The following CEP112 variants were observed in gnomAD, a reference collection of about 807,000 sequenced individuals.
CEP112 encodes centrosomal protein of 112 kDa.
In CEP112, 127 loss-of-function variants were observed where a neutral mutation model predicts 153.0. The ratio of observed to expected loss-of-function variants is 0.83; its 90% confidence interval spans 0.72 to 0.96. The LOEUF is 0.96. CEP112 is among the 40% of genes least tolerant of loss of function. CEP112 has a pLI of 0.00. For missense variants in CEP112, 1,089 were observed against 1,101.2 expected, an observed-to-expected ratio of 0.99 and a Z score of 0.16; for synonymous variants, 358 against 374.4, an observed-to-expected ratio of 0.96 and a Z score of 0.51.
chr17:65,659,843 C>T (rs8078351), intron 24 of CEP112, among the ~76,000 whole-genome samples: 81,880 of 152,044 alleles, frequency 0.54, 22,649 homozygotes, highest in East Asian at 0.76. Context: ...ATCAGTAACT[C>T]CTATGTGGGA....
chr17:65,721,256 C>T (rs1362749810), intron 23 of CEP112, among the ~76,000 whole-genome samples: 4 of 152,100 alleles, frequency 2.6e-5, no homozygotes, highest in Non-Finnish European at 4.4e-5. Context: ...GTGATCTGCC[C>T]GCCTTGGCCT....
intron 12 of CEP112, among the ~76,000 whole-genome samples, chr17:66,045,713 A>G (rs2066173875): frequency 6.6e-6 from 1 of 152,160 alleles, no homozygotes; most frequent in African/African-American, 2.4e-5. Flanking sequence ...GTACTTGTGT[A>G]TGTTCTGGGC....
At chr17:65,640,155 T>TATATATATATATATATATATATA (rs1491163281) in intron 25 of CEP112, among the ~76,000 whole-genome samples, 5 of 24,970 alleles carry the variant, frequency 2.0e-4, no homozygotes, top group South Asian at 1.0e-3. Flanking sequence ...TATATATATA[T>TATATATATATATATATATATATA]TTTTTTTTTT....
chr17:66,026,362 G>C (rs1284195736), intron 16 of CEP112, among the ~76,000 whole-genome samples: 1 of 152,112 alleles, frequency 6.6e-6, no homozygotes, highest in African/African-American at 2.4e-5. Context: ...GTTATTACAG[G>C]AGGGATATCA....
chr17:65,881,513 G>C (rs936373929), intron 20 of CEP112, among the ~76,000 whole-genome samples: 2 of 152,006 alleles, frequency 1.3e-5, no homozygotes, highest in African/African-American at 4.8e-5. Flanking sequence ...TCCCTTAAAA[G>C]TTAATTTATT....
intron 1 of CEP112, among the ~76,000 whole-genome samples, chr17:66,184,644 G>T (rs2072854604): frequency 6.6e-6 from 1 of 152,122 alleles, no homozygotes; most frequent in Non-Finnish European, 1.5e-5. Context: ...TGCATTGCTG[G>T]TAGAAATACA....
At chr17:65,676,544 A>G (rs1338386000) in intron 24 of CEP112, among the ~76,000 whole-genome samples, 2 of 152,212 alleles carry the variant, frequency 1.3e-5, no homozygotes, top group Non-Finnish European at 2.9e-5. Flanking sequence ...TAAAATTTAT[A>G]TAGAAATCAG....
intron 20 of CEP112, among the ~76,000 whole-genome samples, chr17:65,881,401 G>GGT (rs34374244): frequency 0.35 from 52,443 of 150,368 alleles, 10,452 homozygotes; most frequent in Middle Eastern, 0.46. Flanking sequence ...GCAGAAAACA[G>GGT]GTGTGTGTGT....
chr17:65,761,588 G>C (rs1025446038), intron 21 of CEP112, among the ~76,000 whole-genome samples: 1 of 151,734 alleles, frequency 6.6e-6, no homozygotes, highest in Non-Finnish European at 1.5e-5. Context: ...CATAAATTTT[G>C]GTAAGTTCTG....
chr17:65,640,154 A>ATATATATTTTTTT (rs1300751452), intron 25 of CEP112, among the ~76,000 whole-genome samples: 1 of 78,348 alleles, frequency 1.3e-5, no homozygotes, highest in African/African-American at 7.0e-5. Flanking sequence ...ATATATATAT[A>ATATATATTTTTTT]TTTTTTTTTT....
intron 4 of CEP112, among the ~76,000 whole-genome samples, chr17:66,145,493 C>G (rs1023613307): frequency 1.3e-5 from 2 of 152,038 alleles, no homozygotes; most frequent in African/African-American, 4.8e-5. Flanking sequence ...TCTAGAAACT[C>G]TATACTTTTA....
At chr17:66,096,436 C>T (rs2068347675) in intron 7 of CEP112, 108 bp from the exon 8 acceptor site, 2 of 1,183,140 alleles carry the variant, frequency 1.7e-6, no homozygotes, top group Non-Finnish European at 2.5e-6. Context: ...AGTACTAACA[C>T]TGCAGGAAAA....
intron 23 of CEP112, among the ~76,000 whole-genome samples, chr17:65,725,920 G>A (rs999627164): frequency 5.9e-5 from 9 of 152,056 alleles, no homozygotes; most frequent in African/African-American, 1.9e-4. Flanking sequence ...TTTGGGTGGG[G>A]ACACAGAGCC....
chr17:65,925,464 T>C lies in CEP112; in HGVS notation c.1980+2118A>G, dbSNP rs138134023. 1.4e-3 allele frequency among the ~76,000 whole-genome samples: 217 copies of C among 152,384 alleles called. 1 individual carries two copies. The highest frequency in any genetic ancestry group is 2.4e-3 in the Non-Finnish European group (160 of 68,040). On this transcript the variant is annotated intron_variant, in intron 19 of 26. Transcript: ENST00000535342. ...CAATAAATGTCATCTAATTATTATG[T>C]CTATGTATATACTGTTCACTGATGA...
intron 21 of CEP112, among the ~76,000 whole-genome samples, chr17:65,754,154 T>C (rs1443702957): frequency 2.0e-5 from 3 of 152,226 alleles, no homozygotes. Context: ...GGGTACTTTA[T>C]AATTTTAAAA....
At chr17:66,181,325 A>G (rs1475479175) in intron 2 of CEP112, among the ~76,000 whole-genome samples, 2 of 152,194 alleles carry the variant, frequency 1.3e-5, no homozygotes, top group Non-Finnish European at 1.5e-5. Flanking sequence ...AAAGATTATA[A>G]TTAATGAATT....
chr17:65,696,481 G>C (rs1567877096), intron 23 of CEP112, among the ~76,000 whole-genome samples: 1 of 152,082 alleles, frequency 6.6e-6, no homozygotes, highest in African/African-American at 2.4e-5. Context: ...TTAAAGTTTT[G>C]CCCTATATAA....
intron 21 of CEP112, among the ~76,000 whole-genome samples, chr17:65,760,960 C>T (rs2052579100): frequency 6.6e-6 from 1 of 152,012 alleles, no homozygotes; most frequent in South Asian, 2.1e-4. Flanking sequence ...TTATCTTTTT[C>T]TGCCTGTGCG....
chr17:65,635,785 T>TAAAA lies in CEP112; in HGVS notation c.*185_*186insTTTT. On this transcript the variant is annotated 3_prime_UTR_variant, in exon 27 of 27. Transcript: ENST00000535342. ...ATAAAGGAATGTTAAAAAAATAACTTAGGCAGACACAAATAAAACCACCCC... is the reference window on the plus strand; with the variant it reads ...ATAAAGGAATGTTAAAAAAATAACTTAAAAAGGCAGACACAAATAAAACCACCCC... 1.7e-6 allele frequency: 1 copy of TAAAA among 589,512 alleles called. No homozygotes were observed. The highest frequency in any genetic ancestry group is 2.9e-6 in the Non-Finnish European group (1 of 341,102). 36.5% of individuals were successfully genotyped at this position (589,512 alleles called of 1,614,324 possible). A position where few individuals can be genotyped will look rare whatever the true frequency, so the allele number is the denominator to read the frequency against.
Sources: allele counts gnomAD v4.1 joint callset (sites outside exome capture counted in the v4.1 genomes callset), GRCh38; gene constraint gnomAD v4.1.1; transcripts MANE v1.5; gene names NCBI Gene and HGNC (gene_info 2026-07-23, HGNC 2026-07-21).